FGF14: variants seen among roughly 807,000 people sequenced by gnomAD.
FGF14 encodes fibroblast growth factor 14, also known as fibroblast growth factor homologous factor 4.
FGF14 carries 5 observed loss-of-function variants against 25.5 expected under a neutral mutation model. The ratio of observed to expected loss-of-function variants is 0.20; its 90% CI spans 0.10 to 0.41. FGF14 has a LOEUF of 0.41. Among genes scored for constraint, FGF14 ranks in the 10% least tolerant of loss-of-function variants. FGF14 has a pLI of 1.00. For synonymous variants in FGF14, 138 were observed against 118.3 expected (o/e 1.17, Z -1.08); for missense variants, 222 against 320.1 (o/e 0.69, Z 2.34).
chr13:102,028,373 C>T (rs1044226254), intron 1 of FGF14, among the ~76,000 whole-genome samples: 3 of 152,040 alleles, frequency 2.0e-5, no homozygotes, highest in African/African-American at 7.2e-5. Context: ...CTCCTTCCAC[C>T]AGTGGAAGTG....
At chr13:102,366,641 A>AAAAAC (rs2057722814) in intron 1 of FGF14, 2 of 151,216 alleles carry the variant, frequency 1.3e-5, no homozygotes, top group African/African-American at 2.4e-5. Flanking sequence ...AAAAAAAAAA[A>AAAAAC]AGCGGTTACT....
chr13:102,263,224 G>A, intron 1 of FGF14: 1 of 493,414 alleles, frequency 2.0e-6, no homozygotes, highest in Non-Finnish European at 3.9e-6. Flanking sequence ...GCGCAGTCAA[G>A]CACACACCAC....
intron 1 of FGF14, among the ~76,000 whole-genome samples, chr13:102,379,145 A>G (rs1167748830): frequency 2.0e-5 from 3 of 152,164 alleles, no homozygotes; most frequent in African/African-American, 7.2e-5. Context: ...TTATAATAAC[A>G]TCATCAAAAA....
At chr13:101,812,638 TATATATATATA>T (rs1566931328) in intron 3 of FGF14, among the ~76,000 whole-genome samples, 12 of 13,810 alleles carry the variant, frequency 8.7e-4, no homozygotes, top group African/African-American at 1.6e-3. Flanking sequence ...TATATATATA[TATATATATATA>T]TATATTTTTT....
At chr13:102,056,985 A>C (rs1174179374) in intron 1 of FGF14, among the ~76,000 whole-genome samples, 1 of 151,680 alleles carries the variant, frequency 6.6e-6, no homozygotes, top group Middle Eastern at 3.6e-3. Flanking sequence ...TTTTTATGAC[A>C]TTTAAATTTT....
At chr13:102,276,380 T>C (rs6491678) in intron 1 of FGF14, among the ~76,000 whole-genome samples, 83,096 of 131,096 alleles carry the variant, frequency 0.63, 26,271 homozygotes, top group African/African-American at 0.76. Context: ...TATATATATA[T>C]ACACATTATT....
Position 101,979,127 on chromosome 13 carries a change from C to G in FGF14, c.209-103831G>C, listed in dbSNP as rs1369417259. On this transcript the variant is annotated intron_variant, in intron 1 of 4. Coordinates refer to the FGF14 transcript ENST00000376131. ...AGCTCCAGAGCCAGACCTCCTGGCT[C>G]TCATCCCACCTGGGCAACTGCACAG... Among the ~76,000 whole-genome samples the G allele has an allele frequency of 2.6e-5, 4 of 152,326 alleles. No individual in the cohort carries two copies. In the South Asian group the frequency reaches 6.2e-4, roughly 24 times the overall value.
chr13:101,714,656 G>A lies in FGF14; in HGVS notation c.*8175C>T, dbSNP rs1026577488. The A allele has an allele frequency of 9.9e-5, 71 of 720,182 alleles. No individual in the cohort carries two copies. Among genetic ancestry groups the A allele is most frequent in the African/African-American group, 6.0e-4 (34 of 57,006 alleles). The allele number at this position is 720,182 out of a possible 1,614,324, so 44.6% of individuals were successfully genotyped here. ...GGTGGCTGGACCAACAGGGCCAACC[G>A]TGAATATGAAATATCTACCAAAGGC... is the stretch of plus-strand genomic sequence containing the variant. On this transcript the variant is annotated 3_prime_UTR_variant, in exon 5 of 5. Transcript: ENST00000376143.
chr13:102,140,223 TAA>T (rs1385290418), intron 1 of FGF14, among the ~76,000 whole-genome samples: 1 of 152,142 alleles, frequency 6.6e-6, no homozygotes, highest in Non-Finnish European at 1.5e-5. Flanking sequence ...AAAAAAGTTG[TAA>T]AAGTTAAAAC....
At chr13:102,299,595 G>A (rs1274754204) in intron 1 of FGF14, among the ~76,000 whole-genome samples, 2 of 152,086 alleles carry the variant, frequency 1.3e-5, no homozygotes, top group Non-Finnish European at 2.9e-5. Flanking sequence ...CACCTTTCCC[G>A]ATTTAGGCAA....
intron 3 of FGF14, among the ~76,000 whole-genome samples, chr13:101,793,817 A>T (rs1049781346): frequency 3.3e-5 from 5 of 152,160 alleles, no homozygotes; most frequent in Admixed American, 3.3e-4. Flanking sequence ...CTAAACCATA[A>T]ATAGGGCTGT....
chr13:102,380,793 T>C (rs753689236), intron 1 of FGF14, among the ~76,000 whole-genome samples: 2 of 152,194 alleles, frequency 1.3e-5, no homozygotes, highest in Non-Finnish European at 2.9e-5. Context: ...TAGCACCATA[T>C]TGTCAGTGTA....
intron 1 of FGF14, among the ~76,000 whole-genome samples, chr13:102,172,950 T>C (rs967222396): frequency 6.6e-6 from 1 of 152,126 alleles, no homozygotes; most frequent in Non-Finnish European, 1.5e-5. Flanking sequence ...ATATGTTTAA[T>C]AACAGTTTGA....
intron 1 of FGF14, among the ~76,000 whole-genome samples, chr13:101,995,766 T>C (rs1448927786): frequency 6.6e-6 from 1 of 152,132 alleles, no homozygotes; most frequent in Admixed American, 6.5e-5. Flanking sequence ...ATTTGGGCCT[T>C]GAAATGTGAA....
At chr13:102,288,458 T>A (rs961975807) in intron 1 of FGF14, among the ~76,000 whole-genome samples, 2 of 152,218 alleles carry the variant, frequency 1.3e-5, no homozygotes, top group African/African-American at 4.8e-5. Flanking sequence ...CCATAAATTT[T>A]AAATAGTCCT....
chr13:101,890,827 G>T (rs575403351), intron 1 of FGF14, among the ~76,000 whole-genome samples: 10 of 152,176 alleles, frequency 6.6e-5, no homozygotes, highest in Non-Finnish European at 1.3e-4. Context: ...CGGGATTGGG[G>T]GTGGAGGAGG....
intron 1 of FGF14, among the ~76,000 whole-genome samples, chr13:102,243,522 T>G (rs2051706511): frequency 6.6e-6 from 1 of 152,062 alleles, no homozygotes; most frequent in African/African-American, 2.4e-5. Context: ...ACAAAAAAAC[T>G]AATTTTCAAG....
chr13:102,300,979 A>G (rs1394943039), intron 1 of FGF14, among the ~76,000 whole-genome samples: 4 of 149,824 alleles, frequency 2.7e-5, no homozygotes, highest in Admixed American at 2.0e-4. Flanking sequence ...AACCTTAACA[A>G]CATTTCAAAT....
intron 1 of FGF14, among the ~76,000 whole-genome samples, chr13:102,353,678 C>T (rs547368914): frequency 6.6e-6 from 1 of 152,248 alleles, no homozygotes; most frequent in South Asian, 2.1e-4. Flanking sequence ...ACTTCCTGGA[C>T]CTCGCTACCT....
Sources: gnomAD v4.1 joint callset for allele counts (sites outside exome capture counted in the v4.1 genomes callset) on GRCh38, gnomAD v4.1.1 for gene constraint, MANE v1.5 for transcripts, NCBI Gene and HGNC (gene_info 2026-07-23, HGNC 2026-07-21) for gene names.